The following SPAG16 variants were observed in gnomAD, a reference collection of about 807,000 sequenced individuals.
The protein encoded by SPAG16 is sperm associated antigen 16.
Under a neutral mutation model 80.4 loss-of-function variants are expected in SPAG16, and 86 were observed. That is an observed-to-expected ratio of 1.07 (90% CI 0.90 to 1.28). SPAG16 has a LOEUF of 1.28. Ranked by LOEUF, SPAG16 falls within the 50% of genes most tolerant of loss-of-function variation. The pLI is 0.00. For synonymous variants in SPAG16, 294 were observed against 265.9 expected, an observed-to-expected ratio of 1.11 and a Z score of -1.03; for missense variants, 870 against 765.3, an observed-to-expected ratio of 1.14 and a Z score of -1.61.
chr2:213,959,425 A>G (rs1392909851), intron 12 of SPAG16, among the ~76,000 whole-genome samples: 1 of 152,150 alleles, frequency 6.6e-6, no homozygotes, highest in African/African-American at 2.4e-5. Context: ...CTTTCCCTGA[A>G]TGGTTGTTTA....
chr2:213,945,154 A>G (rs2079386147), intron 12 of SPAG16, among the ~76,000 whole-genome samples: 1 of 151,240 alleles, frequency 6.6e-6, no homozygotes, highest in Non-Finnish European at 1.5e-5. Flanking sequence ...CTAATAGGAT[A>G]TATATATATG....
At chr2:213,336,139 A>T (rs1000697715) in intron 5 of SPAG16, among the ~76,000 whole-genome samples, 1 of 152,108 alleles carries the variant, frequency 6.6e-6, no homozygotes, top group African/African-American at 2.4e-5. Context: ...GGATTGTGCT[A>T]CCCCTCCCTG....
At chr2:213,813,635 G>A (rs1022122886) in intron 10 of SPAG16, among the ~76,000 whole-genome samples, 3 of 152,162 alleles carry the variant, frequency 2.0e-5, no homozygotes. Context: ...TGAAAGAGGA[G>A]CAAGAAACAT....
intron 15 of SPAG16, among the ~76,000 whole-genome samples, chr2:214,269,861 C>A (rs1236593578): frequency 5.3e-5 from 8 of 152,032 alleles, no homozygotes; most frequent in African/African-American, 1.9e-4. Flanking sequence ...ATGGGGGTCA[C>A]CTTGTATCCT....
chr2:214,035,640 G>A (rs1252737483), intron 13 of SPAG16, among the ~76,000 whole-genome samples: 3 of 152,198 alleles, frequency 2.0e-5, no homozygotes, highest in Admixed American at 1.3e-4. Flanking sequence ...CAGACAGTAG[G>A]AGCAGACACT....
At chr2:213,749,461 C>A (rs555476428) in intron 10 of SPAG16, among the ~76,000 whole-genome samples, 5 of 152,198 alleles carry the variant, frequency 3.3e-5, no homozygotes, top group Admixed American at 1.3e-4. Flanking sequence ...GCTTCAGGAT[C>A]TTGTAAGGGT....
intron 10 of SPAG16, among the ~76,000 whole-genome samples, chr2:213,616,371 T>G (rs746679725): frequency 5.9e-5 from 9 of 152,172 alleles, no homozygotes; most frequent in Non-Finnish European, 7.3e-5. Context: ...CCCTAAGGAG[T>G]CTGCTACTCT....
At chr2:214,031,011 C>A (rs1441086901) in intron 13 of SPAG16, among the ~76,000 whole-genome samples, 1 of 152,154 alleles carries the variant, frequency 6.6e-6, no homozygotes, top group Non-Finnish European at 1.5e-5. Flanking sequence ...TTTGTTCTCA[C>A]TTTGCTATAA....
intron 10 of SPAG16, among the ~76,000 whole-genome samples, chr2:213,591,481 A>T (rs944324315): frequency 6.6e-6 from 1 of 152,228 alleles, no homozygotes; most frequent in Non-Finnish European, 1.5e-5. Flanking sequence ...AATATGTATT[A>T]TAAATTTTAA....
At position 213,788,791 on chromosome 2, in the gene SPAG16, C is replaced by A. The variant is rs542949981; in HGVS notation, c.1071-73694C>A. On this transcript the variant is annotated intron_variant, in intron 10 of 15. Transcript: ENST00000331683. ...GGAATAAGACAACATCTAAACCCATCTCTCAGCTCTTATATTTGTTTTTGT... is the reference window on the plus strand; with the variant it reads ...GGAATAAGACAACATCTAAACCCATATCTCAGCTCTTATATTTGTTTTTGT... 1.6e-4 allele frequency among the ~76,000 whole-genome samples: 24 copies of A among 151,984 alleles called. 2 individuals carry two copies. The highest frequency in any genetic ancestry group is 5.8e-4 in the African/African-American group (24 of 41,534).
chr2:213,832,281 C>A (rs967063728), intron 10 of SPAG16, among the ~76,000 whole-genome samples: 1 of 152,112 alleles, frequency 6.6e-6, no homozygotes, highest in Admixed American at 6.5e-5. Context: ...CAGGCATGAG[C>A]CACCATGCCT....
At chr2:213,710,549 A>T (rs2065939071) in intron 10 of SPAG16, among the ~76,000 whole-genome samples, 1 of 152,114 alleles carries the variant, frequency 6.6e-6, no homozygotes, top group South Asian at 2.1e-4. Context: ...GCTGTGTTGT[A>T]GTGGTGTGTT....
chr2:214,271,115 CT>C (rs976274951), intron 15 of SPAG16, among the ~76,000 whole-genome samples: 5 of 152,014 alleles, frequency 3.3e-5, no homozygotes, highest in African/African-American at 1.2e-4. Flanking sequence ...AATTCTGATA[CT>C]TTTTTGCATT....
intron 10 of SPAG16, among the ~76,000 whole-genome samples, chr2:213,504,605 G>A (rs1339791313): frequency 6.6e-6 from 1 of 152,052 alleles, no homozygotes; most frequent in Non-Finnish European, 1.5e-5. Flanking sequence ...AAGAAGTAAG[G>A]ATCCACTTGA....
chr2:214,268,608 C>T (rs1030244590), intron 15 of SPAG16, among the ~76,000 whole-genome samples: 6 of 151,682 alleles, frequency 4.0e-5, no homozygotes, highest in South Asian at 2.1e-4. Context: ...TTTTATCTTT[C>T]GGGGCTGAAA....
chr2:213,353,374 A>G (rs758983004), intron 7 of SPAG16, among the ~76,000 whole-genome samples: 20 of 152,194 alleles, frequency 1.3e-4, no homozygotes, highest in Non-Finnish European at 2.6e-4. Context: ...TTGGAAATAC[A>G]AGCCATGAGC....
intron 15 of SPAG16, among the ~76,000 whole-genome samples, chr2:214,209,632 G>A (rs567580907): frequency 2.5e-4 from 38 of 152,220 alleles, no homozygotes; most frequent in African/African-American, 8.9e-4. Flanking sequence ...CAATAGTAGA[G>A]GTTTCTAGCC....
At chr2:213,980,686 T>C (rs2045683889) in intron 12 of SPAG16, among the ~76,000 whole-genome samples, 2 of 137,770 alleles carry the variant, frequency 1.5e-5, no homozygotes, top group Non-Finnish European at 3.1e-5. Context: ...TGTGTGTATA[T>C]ATAGAATATA....
chr2:214,181,426 A>G (rs1296614627), intron 15 of SPAG16, among the ~76,000 whole-genome samples: 3 of 151,750 alleles, frequency 2.0e-5, no homozygotes, highest in African/African-American at 7.2e-5. Flanking sequence ...AAGGCATCCC[A>G]GGGGAGCTTT....
Sources: gnomAD v4.1 joint callset for allele counts (sites outside exome capture counted in the v4.1 genomes callset) on GRCh38, gnomAD v4.1.1 for gene constraint, MANE v1.5 for transcripts, NCBI Gene and HGNC (gene_info 2026-07-23, HGNC 2026-07-21) for gene names.